Variants in ADGRV1 observed in about 807,000 individuals in gnomAD.
ADGRV1 encodes G-protein coupled receptor 98.
In ADGRV1, 359 loss-of-function variants were observed where a neutral mutation model predicts 596.2. That is an observed-to-expected ratio of 0.60 (90% CI 0.55 to 0.66). ADGRV1 has a LOEUF of 0.66. Ranked by LOEUF, ADGRV1 falls within the 30% of genes least tolerant of loss-of-function variation. The pLI, the probability that ADGRV1 is intolerant of heterozygous loss-of-function variation, is 0.00. For synonymous variants in ADGRV1, 2,681 were observed against 2,679.2 expected, an observed-to-expected ratio of 1.00 and a Z score of -0.02; for missense variants, 7,274 against 7,575.6, an observed-to-expected ratio of 0.96 and a Z score of 1.48.
At chr5:90,989,249 TC>T (rs1242529969) in intron 85 of ADGRV1, among the ~76,000 whole-genome samples, 1 of 152,138 alleles carries the variant, frequency 6.6e-6, no homozygotes, top group East Asian at 1.9e-4. Context: ...TAGTTTACAG[TC>T]CCACCAACAG....
chr5:91,088,288 A>G (rs976569507), intron 86 of ADGRV1, among the ~76,000 whole-genome samples: 2 of 152,144 alleles, frequency 1.3e-5, no homozygotes, highest in African/African-American at 4.8e-5. Context: ...CCTTCTCCCC[A>G]TCTTTTTCCC....
chr5:90,765,964 C>T (rs979924617), intron 59 of ADGRV1, among the ~76,000 whole-genome samples: 10 of 151,776 alleles, frequency 6.6e-5, no homozygotes, highest in Non-Finnish European at 1.0e-4. Context: ...GGCTGGAGTG[C>T]AGTGGCGCGA....
intron 62 of ADGRV1, 50 bp downstream of exon 62, chr5:90,778,093 G>GTGTGCACAT: frequency 6.6e-7 from 1 of 1,513,106 alleles, no homozygotes; most frequent in Non-Finnish European, 9.0e-7. Flanking sequence ...CTGTGCTGGT[G>GTGTGCACAT]TGTGCACATG....
At chr5:91,139,198 G>C (rs931998277) in intron 87 of ADGRV1, among the ~76,000 whole-genome samples, 7 of 152,200 alleles carry the variant, frequency 4.6e-5, no homozygotes, top group Non-Finnish European at 1.0e-4. Flanking sequence ...TCTTAGAATG[G>C]AGTCACATGA....
At chr5:91,120,603 C>G (rs1386676699) in intron 87 of ADGRV1, among the ~76,000 whole-genome samples, 1 of 152,034 alleles carries the variant, frequency 6.6e-6, no homozygotes, top group African/African-American at 2.4e-5. Flanking sequence ...TGGAACAAAC[C>G]CCAGCTCCCA....
At chr5:91,119,821 T>A (rs1292579519) in intron 87 of ADGRV1, among the ~76,000 whole-genome samples, 1 of 152,214 alleles carries the variant, frequency 6.6e-6, no homozygotes, top group Non-Finnish European at 1.5e-5. Context: ...AAGTTATAGA[T>A]CTTCCTCACT....
chr5:90,903,403 T>C (rs901326453), intron 83 of ADGRV1, among the ~76,000 whole-genome samples: 1 of 152,092 alleles, frequency 6.6e-6, no homozygotes, highest in Non-Finnish European at 1.5e-5. Flanking sequence ...AATATTTATC[T>C]CTTTAAAATG....
At chr5:90,976,975 C>T (rs1024677720) in intron 84 of ADGRV1, among the ~76,000 whole-genome samples, 6 of 152,120 alleles carry the variant, frequency 3.9e-5, no homozygotes, top group African/African-American at 9.7e-5. Context: ...ACATCTTGTG[C>T]GTTATTTTCT....
intron 68 of ADGRV1, 62 bp from the exon 69 acceptor site, chr5:90,789,640 G>T: frequency 1.0e-6 from 1 of 972,738 alleles, no homozygotes; most frequent in South Asian, 1.8e-5. Context: ...TAATATGTTG[G>T]ATACTATAAT....
In ADGRV1 at chr5:90,692,586, G is replaced by A; in HGVS notation, c.6952-19G>A. 6.3e-7 allele frequency: 1 copy of A among 1,585,928 alleles called. No individual in the cohort carries two copies. The highest frequency in any genetic ancestry group is 8.6e-7 in the Non-Finnish European group (1 of 1,164,768). On this transcript the variant is annotated intron_variant, in intron 31 of 89. Transcript: ENST00000405460. Reference sequence around the variant, plus strand: ...TCAGAACTGTGATGCTGTTAAGGAAGTTTTCACTGTATTTTTAGGTTATCC... The same window carrying A: ...TCAGAACTGTGATGCTGTTAAGGAAATTTTCACTGTATTTTTAGGTTATCC...
chr5:91,008,434 A>G (rs946204678), intron 85 of ADGRV1, among the ~76,000 whole-genome samples: 1 of 152,132 alleles, frequency 6.6e-6, no homozygotes, highest in African/African-American at 2.4e-5. Flanking sequence ...AATAATTAAG[A>G]AGTCATGAGT....
At chr5:90,834,933 TTTC>T (rs1764845224) in intron 77 of ADGRV1, among the ~76,000 whole-genome samples, 2 of 151,306 alleles carry the variant, frequency 1.3e-5, no homozygotes, top group South Asian at 4.2e-4. Flanking sequence ...TCTTTCTTTC[TTTC>T]TTTCTTTTTC....
intron 1 of ADGRV1, among the ~76,000 whole-genome samples, chr5:90,566,489 C>T (rs1458376663): frequency 6.6e-6 from 1 of 152,014 alleles, no homozygotes; most frequent in African/African-American, 2.4e-5. Context: ...CTGGACTCAA[C>T]TCTATTTTGT....
intron 83 of ADGRV1, among the ~76,000 whole-genome samples, chr5:90,879,165 C>T (rs957765208): frequency 4.6e-5 from 7 of 152,200 alleles, no homozygotes; most frequent in African/African-American, 1.7e-4. Context: ...ACCTCACCTC[C>T]ATGGTTCCCC....
In ADGRV1 at chr5:90,869,157, C is replaced by G. The variant is rs998046370; in HGVS notation, c.17856+5300C>G. 2.0e-5 allele frequency among the ~76,000 whole-genome samples: 3 copies of G among 151,972 alleles called. No individual in the cohort carries two copies. In the South Asian group the frequency reaches 6.2e-4, roughly 32 times the overall value. On this transcript the variant is annotated intron_variant, in intron 83 of 89. Transcript: ENST00000405460. Reference sequence around the variant, plus strand: ...CTGCATAGGCTGAGAATAAGGGACCCCAGTTTGCAAAGTCTCTGTGGAGGA... The same window carrying G: ...CTGCATAGGCTGAGAATAAGGGACCGCAGTTTGCAAAGTCTCTGTGGAGGA...
chr5:91,026,003 C>T (rs1783993629), intron 85 of ADGRV1, among the ~76,000 whole-genome samples: 1 of 152,120 alleles, frequency 6.6e-6, no homozygotes. Context: ...GCTTACTACT[C>T]AGTGCTACAG....
In ADGRV1 at chr5:90,677,277, T is replaced by C. The variant is rs765985815; in HGVS notation, c.5443+1068T>C. ...TAATTTGGGTAAATATGCAAAAATT[T>C]TTCTTTCCTGTGTTCCCAAATCTCA... On this transcript the variant is annotated intron_variant, in intron 25 of 89. Transcript: ENST00000405460. 2.3e-4 allele frequency among the ~76,000 whole-genome samples: 35 copies of C among 152,188 alleles called. 1 individual carries two copies. Among genetic ancestry groups the C allele is most frequent in the Non-Finnish European group, 1.0e-4 (7 of 68,034 alleles).
chr5:90,564,470 G>A (rs536238431), intron 1 of ADGRV1, among the ~76,000 whole-genome samples: 3 of 152,296 alleles, frequency 2.0e-5, no homozygotes, highest in African/African-American at 7.2e-5. Flanking sequence ...TCCCAGACAC[G>A]TATTAGATTA....
chr5:90,689,606 A>G (rs548555374), intron 29 of ADGRV1, among the ~76,000 whole-genome samples: 1 of 152,230 alleles, frequency 6.6e-6, no homozygotes, highest in South Asian at 2.1e-4. Context: ...AAATAGATAT[A>G]CATCTTTCTG....
Sources: allele counts gnomAD v4.1 joint callset (sites outside exome capture counted in the v4.1 genomes callset), GRCh38; gene constraint gnomAD v4.1.1; transcripts MANE v1.5; gene names NCBI Gene and HGNC (gene_info 2026-07-23, HGNC 2026-07-21).